WNT4: variants seen among roughly 807,000 people sequenced by gnomAD.
WNT4 encodes Wnt family member 4.
WNT4 carries 16 observed loss-of-function variants against 34.5 expected under a neutral mutation model. That is an observed-to-expected ratio of 0.46 (90% CI 0.31 to 0.70). The LOEUF (loss-of-function observed/expected upper bound fraction) is 0.70, where lower values mean the gene tolerates loss of function less well. WNT4 is among the 30% of genes least tolerant of loss of function. WNT4 has a pLI of 0.04. For synonymous variants in WNT4, 200 were observed against 211.9 expected, an observed-to-expected ratio of 0.94 and a Z score of 0.49; for missense variants, 379 against 495.9, an observed-to-expected ratio of 0.76 and a Z score of 2.24.
At chr1:22,131,118 G>C (rs34087879) in intron 1 of WNT4, among the ~76,000 whole-genome samples, 23 of 152,272 alleles carry the variant, frequency 1.5e-4, no homozygotes, top group Admixed American at 3.9e-4. Flanking sequence ...GGCAGAGACA[G>C]TATTCTCTGT....
At chr1:22,127,422 C>G (rs1296500988) in intron 2 of WNT4, 4 of 533,384 alleles carry the variant, frequency 7.5e-6, no homozygotes, top group Admixed American at 1.9e-5. Flanking sequence ...GTCCTCTCCC[C>G]TGACCTGCTT....
intron 1 of WNT4, among the ~76,000 whole-genome samples, chr1:22,133,834 C>T (rs1441636085): frequency 6.6e-6 from 1 of 152,226 alleles, no homozygotes; most frequent in African/African-American, 2.4e-5. Context: ...GAGCCCGGCC[C>T]GTGCCTACAG....
intron 2 of WNT4, chr1:22,127,584 A>G (rs1645950803): frequency 2.3e-6 from 1 of 425,820 alleles, no homozygotes; most frequent in South Asian, 1.8e-5. Context: ...ATTTCAATCT[A>G]AAAGGTGTGC....
chr1:22,124,492 C>T (rs1159914675), intron 2 of WNT4, among the ~76,000 whole-genome samples: 1 of 152,150 alleles, frequency 6.6e-6, no homozygotes, highest in Non-Finnish European at 1.5e-5. Flanking sequence ...ATTCAGTTAA[C>T]CCGTAAATCC....
At chr1:22,121,621 C>T (rs1386964122) in intron 2 of WNT4, 45 bp from the exon 3 acceptor site, 2 of 1,602,132 alleles carry the variant, frequency 1.2e-6, no homozygotes, top group South Asian at 2.2e-5. Context: ...CAGGGCTCCT[C>T]CCTGCACCCT....
chr1:22,136,354 G>T (rs1333421424), intron 1 of WNT4, among the ~76,000 whole-genome samples: 3 of 152,192 alleles, frequency 2.0e-5, no homozygotes, highest in African/African-American at 7.2e-5. Flanking sequence ...ATGTCCTGTG[G>T]CCACTGACCC....
At position 22,140,298 on chromosome 1, in the gene WNT4, A is replaced by G; in HGVS notation, c.77+2548T>C. ...AGCTTTTCAGTCGGACACCTCTGGC[A>G]TTTACCAGCTGGGTGACTTGGGCAG... On this transcript the variant is annotated intron_variant, in intron 1 of 4. Transcript: ENST00000290167. This position sits in a 1 kb window ranked among gnomAD's most constrained non-coding sequence, Gnocchi z 5.9. The G allele has an allele frequency of 1.0e-6, 1 of 985,358 alleles. No individual in the cohort carries two copies. Among genetic ancestry groups the G allele is most frequent in the African/African-American group, 1.7e-5 (1 of 57,366 alleles). The allele number at this position is 985,358 out of a possible 1,614,324, so 61.0% of individuals were successfully genotyped here.
At chr1:22,122,686 C>A (rs1478592610) in intron 2 of WNT4, among the ~76,000 whole-genome samples, 3 of 152,140 alleles carry the variant, frequency 2.0e-5, no homozygotes, top group Non-Finnish European at 2.9e-5. Context: ...AGGGGGCAGG[C>A]TTTGGCCCCA....
Position 22,142,970 on chromosome 1 carries a change from G to A in WNT4, c.-48C>T, listed in dbSNP as rs1646084495. On this transcript the variant is annotated 5_prime_UTR_variant, in exon 1 of 5. Transcript: ENST00000290167. The surrounding 1 kb of genome is among the most constrained non-coding windows in gnomAD (Gnocchi z 6.0). The stretch of plus-strand genomic sequence containing the variant: ...CCGGGGCAGCGGCTGCGGCCGCGGG[G>A]GGCCTCCCGTCGGGGCTGCAGGTGG... 1.0e-6 allele frequency: 1 copy of A among 998,884 alleles called. No individual in the cohort carries two copies. The highest frequency in any genetic ancestry group is 1.1e-4 in the East Asian group (1 of 9,272). 61.9% of individuals were successfully genotyped at this position (998,884 alleles called of 1,614,324 possible). A position where few individuals can be genotyped will look rare whatever the true frequency, so the allele number is the denominator to read the frequency against.
Position 22,140,527 on chromosome 1 carries a change from C to G in WNT4, c.77+2319G>C, listed in dbSNP as rs113522011. Among the ~76,000 whole-genome samples the G allele has an allele frequency of 6.6e-6, 1 of 152,196 alleles. No individual in the cohort carries two copies. Among genetic ancestry groups the G allele is most frequent in the Non-Finnish European group, 1.5e-5 (1 of 68,040 alleles). On this transcript the variant is annotated intron_variant, in intron 1 of 4. Transcript: ENST00000290167. This position sits in a 1 kb window ranked among gnomAD's most constrained non-coding sequence, Gnocchi z 5.9. ...GAGCATGTGCCCTGTTCCACCCAGT[C>G]GTGGTTTTATCATGTCTTTCTACCT...
rs2124133219 is a variant in WNT4, at chr1:22,137,922, T to G, written c.77+4924A>C. Among the ~76,000 whole-genome samples the G allele has an allele frequency of 6.6e-6, 1 of 152,312 alleles. No homozygotes were observed. On this transcript the variant is annotated intron_variant, in intron 1 of 4. Transcript: ENST00000290167. The surrounding 1 kb of genome is among the most constrained non-coding windows in gnomAD (Gnocchi z 5.3). ...AGAGCCTTCCTCCTACTGCAGGCCT[T>G]TGAAGATGGGCTACCATTGGACAAC...
Position 22,119,225 on chromosome 1 carries a change from T to TGC in WNT4, c.*824_*825insGC, listed in dbSNP as rs1645874569. 1 of 134,954 alleles carries TGC rather than the reference T, an allele frequency of 7.4e-6. No individual in the cohort carries two copies. Among genetic ancestry groups the TGC allele is most frequent in the African/African-American group, 3.1e-5 (1 of 31,838 alleles). 8.4% of individuals were successfully genotyped at this position (134,954 alleles called of 1,614,324 possible). ...GTGTGTGTGTGTGTGTGTGTGTGTG[T>TGC]GTGTTTCAGTTTCATGGAGGAACAG... On this transcript the variant is annotated 3_prime_UTR_variant, in exon 5 of 5. Coordinates refer to ENST00000290167, the MANE Select transcript of WNT4 (RefSeq NM_030761.5).
At chr1:22,138,933 C>T (rs2124135224) in intron 1 of WNT4, among the ~76,000 whole-genome samples, 1 of 152,212 alleles carries the variant, frequency 6.6e-6, no homozygotes, top group East Asian at 1.9e-4. Context: ...CCAGTGGGGA[C>T]TCAAAGCCAA....
Position 22,118,964 on chromosome 1 carries a change from G to A in WNT4, c.*1086C>T, listed in dbSNP as rs1645869231. 1 of 152,340 alleles carries A rather than the reference G, an allele frequency of 6.6e-6. No homozygotes were observed. The highest frequency in any genetic ancestry group is 1.5e-5 in the Non-Finnish European group (1 of 68,120). The allele number at this position is 152,340 out of a possible 1,614,324, so 9.4% of individuals were successfully genotyped here. On this transcript the variant is annotated 3_prime_UTR_variant, in exon 5 of 5. Coordinates refer to ENST00000290167, the MANE Select transcript of WNT4 (RefSeq NM_030761.5). ...GCCATCAAGTGAGATGGCCTGTACA[G>A]GGCCTAGAACACGTAGTATTTGCTC...
chr1:22,140,310 G>C lies in WNT4; in HGVS notation c.77+2536C>G. The stretch of plus-strand genomic sequence containing the variant: ...GGACACCTCTGGCATTTACCAGCTG[G>C]GTGACTTGGGCAGTTACCTCTGCGA... On this transcript the variant is annotated intron_variant, in intron 1 of 4. Transcript: ENST00000290167. This position sits in a 1 kb window ranked among gnomAD's most constrained non-coding sequence, Gnocchi z 5.9. The C allele has an allele frequency of 1.0e-6, 1 of 983,748 alleles. No homozygotes were observed. Among genetic ancestry groups the C allele is most frequent in the Non-Finnish European group, 1.2e-6 (1 of 828,380 alleles). 60.9% of individuals were successfully genotyped at this position (983,748 alleles called of 1,614,324 possible). A position where few individuals can be genotyped will look rare whatever the true frequency, so the allele number is the denominator to read the frequency against.
At chr1:22,121,819 A>G (rs538214150) in intron 2 of WNT4, among the ~76,000 whole-genome samples, 6 of 152,196 alleles carry the variant, frequency 3.9e-5, no homozygotes, top group Non-Finnish European at 8.8e-5. Flanking sequence ...CATCCTCACA[A>G]CCACCCCAGG....
chr1:22,136,926 G>A (rs1243230305), intron 1 of WNT4, among the ~76,000 whole-genome samples: 2 of 152,152 alleles, frequency 1.3e-5, no homozygotes, highest in African/African-American at 2.4e-5. Flanking sequence ...CAGCCCTTGG[G>A]GAAGGGTCTC....
At chr1:22,122,267 C>T (rs1645905580) in intron 2 of WNT4, among the ~76,000 whole-genome samples, 1 of 152,180 alleles carries the variant, frequency 6.6e-6, no homozygotes, top group South Asian at 2.1e-4. Flanking sequence ...AAGCCCTCCA[C>T]CACTGGGGGC....
intron 1 of WNT4, among the ~76,000 whole-genome samples, chr1:22,141,181 T>A (rs1199961954): frequency 2.0e-5 from 3 of 152,244 alleles, no homozygotes. Flanking sequence ...AAAGATGAGA[T>A]GTTCCTGAAG....
Sources: gnomAD v4.1 joint callset for allele counts (sites outside exome capture counted in the v4.1 genomes callset) on GRCh38, gnomAD v4.1.1 for gene constraint, Gnocchi (gnomAD v3.1) non-coding constraint, MANE v1.5 for transcripts, NCBI Gene and HGNC (gene_info 2026-07-23, HGNC 2026-07-21) for gene names.